LDLRAD3: variants seen among roughly 807,000 people sequenced by gnomAD.
LDLRAD3 encodes the protein low density lipoprotein receptor class A domain containing 3.
In LDLRAD3, 20 loss-of-function variants were observed where a neutral mutation model predicts 29.4. The ratio of observed to expected loss-of-function variants is 0.68; its 90% CI spans 0.48 to 0.99. The LOEUF (loss-of-function observed/expected upper bound fraction) is 0.99. Among genes scored for constraint, LDLRAD3 ranks in the 50% least tolerant of loss-of-function variants. The probability of loss-of-function intolerance (pLI) is 0.00; values close to 1 mark genes in which losing one functional copy is unlikely to be tolerated. For synonymous variants in LDLRAD3, 157 were observed against 192.7 expected (o/e 0.81, Z 1.53); for missense variants, 420 against 454.3 (o/e 0.92, Z 0.69).
chr11:36,056,427 G>A (rs920019734), intron 2 of LDLRAD3, among the ~76,000 whole-genome samples: 2 of 152,158 alleles, frequency 1.3e-5, no homozygotes, highest in Non-Finnish European at 2.9e-5. Context: ...GGAGAGTTGA[G>A]GCTTAGAGAA....
At chr11:36,189,033 TCA>T (rs1296656555) in intron 4 of LDLRAD3, among the ~76,000 whole-genome samples, 1 of 152,168 alleles carries the variant, frequency 6.6e-6, no homozygotes, top group African/African-American at 2.4e-5. Flanking sequence ...TAGCATGCTT[TCA>T]CTCATTGAAA....
At chr11:36,144,870 G>A (rs1590305538) in intron 4 of LDLRAD3, among the ~76,000 whole-genome samples, 1 of 87,256 alleles carries the variant, frequency 1.1e-5, no homozygotes. Context: ...TCAGCCCCCC[G>A]CCCGGCCAGC....
intron 1 of LDLRAD3, among the ~76,000 whole-genome samples, chr11:35,989,781 T>C (rs1851664607): frequency 6.6e-6 from 1 of 152,202 alleles, no homozygotes; most frequent in South Asian, 2.1e-4. Context: ...TGAAGTTGTT[T>C]ATCAGTTCTG....
chr11:36,209,747 G>T (rs868068162), intron 4 of LDLRAD3, among the ~76,000 whole-genome samples: 14 of 152,194 alleles, frequency 9.2e-5, no homozygotes, highest in Non-Finnish European at 7.3e-5. Flanking sequence ...CTAGCATATA[G>T]AAAGTGCTGT....
intron 4 of LDLRAD3, among the ~76,000 whole-genome samples, chr11:36,212,231 G>A (rs928613915): frequency 5.9e-5 from 9 of 152,254 alleles, no homozygotes; most frequent in Admixed American, 5.9e-4. Flanking sequence ...CCTTTGGATG[G>A]GTAGAATGAT....
chr11:36,099,015 T>G (rs1853407340), intron 4 of LDLRAD3, among the ~76,000 whole-genome samples: 1 of 152,356 alleles, frequency 6.6e-6, no homozygotes, highest in Middle Eastern at 3.4e-3. Context: ...TTTTGCTAAT[T>G]TGGTAGTCAT....
At chr11:35,970,491 C>T (rs1016748734) in intron 1 of LDLRAD3, among the ~76,000 whole-genome samples, 2 of 152,226 alleles carry the variant, frequency 1.3e-5, no homozygotes, top group Non-Finnish European at 2.9e-5. Flanking sequence ...ATGGCCCTGC[C>T]GACACCTTGA....
At chr11:36,090,943 G>A (rs1218035071) in intron 3 of LDLRAD3, among the ~76,000 whole-genome samples, 3 of 152,186 alleles carry the variant, frequency 2.0e-5, no homozygotes, top group Non-Finnish European at 2.9e-5. Flanking sequence ...GTGTCAATAG[G>A]CAAGCCAAGG....
intron 2 of LDLRAD3, among the ~76,000 whole-genome samples, chr11:36,075,235 C>T (rs1590245699): frequency 6.6e-6 from 1 of 152,142 alleles, no homozygotes; most frequent in African/African-American, 2.4e-5. Context: ...TAAGCACATC[C>T]TGTGTGTCTA....
chr11:36,172,751 G>A (rs1055241897), intron 4 of LDLRAD3, among the ~76,000 whole-genome samples: 2 of 151,992 alleles, frequency 1.3e-5, no homozygotes, highest in African/African-American at 4.8e-5. Context: ...GAGGATTTTT[G>A]CATCTATGTT....
chr11:36,167,553 A>T (rs1056372621), intron 4 of LDLRAD3, among the ~76,000 whole-genome samples: 2 of 152,154 alleles, frequency 1.3e-5, no homozygotes, highest in African/African-American at 4.8e-5. Context: ...AGAGCTAAAC[A>T]CAATTGATCC....
chr11:36,165,976 C>T (rs7929000), intron 4 of LDLRAD3, among the ~76,000 whole-genome samples: 35 of 101,426 alleles, frequency 3.5e-4, no homozygotes, highest in East Asian at 1.8e-3. Flanking sequence ...CTCCCTCCCT[C>T]CCTTCCTTCC....
At position 36,230,752 on chromosome 11, in the gene LDLRAD3, C is replaced by T. The variant is rs1040490902; in HGVS notation, c.*1355C>T. On this transcript the variant is annotated 3_prime_UTR_variant, in exon 6 of 6. Coordinates refer to ENST00000315571, the MANE Select transcript of LDLRAD3 (RefSeq NM_174902.4). Reference sequence around the variant, plus strand: ...GTCTCTTTTTTTGTTTTTCCTTTAACAAGGTCCAAAGAAAGATGCAAAAGG... The same window carrying T: ...GTCTCTTTTTTTGTTTTTCCTTTAATAAGGTCCAAAGAAAGATGCAAAAGG... The T allele has an allele frequency of 6.6e-6, 1 of 152,476 alleles. No homozygotes were observed. Among genetic ancestry groups the T allele is most frequent in the East Asian group, 1.9e-4 (1 of 5,196 alleles). The allele number at this position is 152,476 out of a possible 1,614,324, so 9.4% of individuals were successfully genotyped here. A position where few individuals can be genotyped will look rare whatever the true frequency, so the allele number is the denominator to read the frequency against.
At chr11:36,011,566 C>CCTTTTACTA (rs35607815) in intron 1 of LDLRAD3, among the ~76,000 whole-genome samples, 1 of 151,718 alleles carries the variant, frequency 6.6e-6, no homozygotes, top group Non-Finnish European at 1.5e-5. Context: ...AGTTCTGCTA[C>CCTTTTACTA]CTCAATAATA....
At chr11:35,969,772 C>T (rs1851389398) in intron 1 of LDLRAD3, among the ~76,000 whole-genome samples, 1 of 152,172 alleles carries the variant, frequency 6.6e-6, no homozygotes. Context: ...CCTTGAGGCC[C>T]CTTATTGGCA....
intron 1 of LDLRAD3, among the ~76,000 whole-genome samples, chr11:35,958,298 T>C (rs1851230954): frequency 6.6e-6 from 1 of 152,226 alleles, no homozygotes; most frequent in African/African-American, 2.4e-5. Context: ...ATTTCTGTCA[T>C]TGAGGAAAGT....
chr11:36,175,080 G>A (rs1462180523), intron 4 of LDLRAD3, among the ~76,000 whole-genome samples: 6 of 152,304 alleles, frequency 3.9e-5, no homozygotes, highest in South Asian at 2.1e-4. Flanking sequence ...ACATTTTTAC[G>A]CTGTTGATGG....
intron 3 of LDLRAD3, among the ~76,000 whole-genome samples, chr11:36,083,079 C>T (rs915899301): frequency 5.9e-5 from 9 of 152,152 alleles, no homozygotes; most frequent in Admixed American, 2.6e-4. Context: ...AGAGATTTTC[C>T]AAATCCTCTG....
intron 4 of LDLRAD3, among the ~76,000 whole-genome samples, chr11:36,150,386 G>A (rs1240226276): frequency 6.6e-6 from 1 of 152,074 alleles, no homozygotes. Context: ...AAATTAGCCA[G>A]GCGTGGTACC....
Sources: gnomAD v4.1 joint callset for allele counts (sites outside exome capture counted in the v4.1 genomes callset) on GRCh38, gnomAD v4.1.1 for gene constraint, MANE v1.5 for transcripts, NCBI Gene and HGNC (gene_info 2026-07-23, HGNC 2026-07-21) for gene names.